TPH2: variants seen among roughly 807,000 people sequenced by gnomAD.
TPH2 encodes tryptophan 5-hydroxylase 2.
A neutral mutation model predicts 59.1 loss-of-function variants in TPH2; 27 were observed. The ratio of observed to expected loss-of-function variants is 0.46; its 90% CI spans 0.34 to 0.63. The LOEUF is 0.63. TPH2 is among the 30% of genes least tolerant of loss of function. The pLI is 0.01. For missense variants in TPH2, 523 were observed against 588.3 expected (o/e 0.89, Z 1.15); for synonymous variants, 220 against 210.5 (o/e 1.05, Z -0.39).
chr12:72,017,269 G>A (rs1030233724), intron 8 of TPH2, among the ~76,000 whole-genome samples: 23 of 152,100 alleles, frequency 1.5e-4, no homozygotes, highest in African/African-American at 5.6e-4. Context: ...GCAGCATTGG[G>A]CGACCTATCT....
chr12:72,031,377 C>T lies in TPH2; in HGVS notation c.1284C>T (p.Ala428=). The T allele has an allele frequency of 1.2e-6, 2 of 1,613,618 alleles. No homozygotes were observed. The highest frequency in any genetic ancestry group is 1.1e-5 in the South Asian group (1 of 91,056). ...AYFVSESFEE[A]KEKMRDFAKS... ...TTGTTTCAGAAAGTTTTGAAGAAGC[C>T]AAAGAAAAGATGAGGTAAACTTTTT... Residue 428 remains alanine (A), a synonymous_variant, in exon 10 of 11, where the codon GCC becomes GCT. Transcript: ENST00000333850.
intron 9 of TPH2, among the ~76,000 whole-genome samples, chr12:72,030,764 G>C (rs1182631235): frequency 2.0e-5 from 3 of 152,030 alleles, no homozygotes; most frequent in African/African-American, 4.8e-5. Flanking sequence ...CACAGTACCT[G>C]GCCTCAAAAT....
chr12:71,983,850 C>T (rs1872357646), intron 7 of TPH2, among the ~76,000 whole-genome samples: 1 of 151,202 alleles, frequency 6.6e-6, no homozygotes, highest in South Asian at 2.1e-4. Context: ...TGTGTGGGCC[C>T]CTTAAGGTTC....
chr12:72,000,641 T>C (rs939435354), intron 8 of TPH2, among the ~76,000 whole-genome samples: 1 of 152,220 alleles, frequency 6.6e-6, no homozygotes, highest in Non-Finnish European at 1.5e-5. Context: ...TAGTAATCTT[T>C]CATCCTTATT....
chr12:72,007,383 G>A (rs1055401209), intron 8 of TPH2, among the ~76,000 whole-genome samples: 2 of 152,158 alleles, frequency 1.3e-5, no homozygotes, highest in African/African-American at 4.8e-5. Flanking sequence ...TAGGAGTGAT[G>A]CTGTTCATAA....
intron 7 of TPH2, among the ~76,000 whole-genome samples, chr12:71,980,502 AT>A (rs879655631): frequency 7.0e-4 from 103 of 147,118 alleles, no homozygotes; most frequent in East Asian, 1.8e-3. Context: ...AGGTCACTAC[AT>A]TTTTTTTTTT....
At chr12:71,990,697 A>C (rs1485036824) in intron 7 of TPH2, among the ~76,000 whole-genome samples, 1 of 152,198 alleles carries the variant, frequency 6.6e-6, no homozygotes, top group East Asian at 1.9e-4. Context: ...AAAGACATAA[A>C]ATATAATAAC....
chr12:71,995,704 A>G (rs917401598), intron 8 of TPH2, among the ~76,000 whole-genome samples: 1 of 152,206 alleles, frequency 6.6e-6, no homozygotes, highest in Non-Finnish European at 1.5e-5. Context: ...TGTCTCTTGT[A>G]TAGCAGGTTC....
At chr12:72,023,508 G>C (rs891636439) in intron 9 of TPH2, among the ~76,000 whole-genome samples, 7 of 152,016 alleles carry the variant, frequency 4.6e-5, no homozygotes, top group African/African-American at 1.7e-4. Flanking sequence ...AGTCACTGGG[G>C]ATAAAAAGAC....
chr12:71,992,012 C>T (rs1872587425), intron 7 of TPH2, among the ~76,000 whole-genome samples: 1 of 152,080 alleles, frequency 6.6e-6, no homozygotes. Context: ...CCTCAGGGAG[C>T]CTGATTGAAT....
chr12:71,961,557 C>A, intron 5 of TPH2: 4 of 1,352,004 alleles, frequency 3.0e-6, no homozygotes, highest in Non-Finnish European at 3.9e-6. Flanking sequence ...TTCTAGTGGC[C>A]CAAGACTGTT....
At position 71,944,672 on chromosome 12, in the gene TPH2, G is replaced by C; in HGVS notation, c.526G>C (p.Asp176His). 1 of 1,613,868 alleles carries C rather than the reference G, an allele frequency of 6.2e-7. No individual in the cohort carries two copies. Reference protein sequence around the residue: ...HRVLMYGSELDADHPGFKDNV... With the variant: ...HRVLMYGSELHADHPGFKDNV... ...AGTTCTCATGTATGGTTCTGAGCTT[G>C]ATGCTGACCACCCAGTAAGTGTCCA... The change falls in exon 4 of 11, where the codon GAT (aspartate) becomes CAT (histidine). Residue 176 changes from aspartate to histidine, a missense_variant. Transcript: ENST00000333850.
At chr12:72,018,883 C>T (rs1416232052) in intron 8 of TPH2, among the ~76,000 whole-genome samples, 1 of 152,130 alleles carries the variant, frequency 6.6e-6, no homozygotes, top group Non-Finnish European at 1.5e-5. Flanking sequence ...ATGTCAAGCT[C>T]CTTAAAATCC....
chr12:71,943,323 A>G (rs1467830153), intron 2 of TPH2, among the ~76,000 whole-genome samples: 1 of 152,190 alleles, frequency 6.6e-6, no homozygotes, highest in Admixed American at 6.5e-5. Flanking sequence ...CTAGGATTGC[A>G]TCAGGAATTG....
intron 5 of TPH2, among the ~76,000 whole-genome samples, chr12:71,961,254 G>A (rs536772407): frequency 6.6e-6 from 1 of 152,302 alleles, no homozygotes; most frequent in Admixed American, 6.5e-5. Context: ...TTCTTCAACA[G>A]TTAAGTGAGG....
intron 4 of TPH2, among the ~76,000 whole-genome samples, chr12:71,946,074 C>A (rs1237474785): frequency 6.6e-6 from 1 of 152,104 alleles, no homozygotes; most frequent in East Asian, 1.9e-4. Context: ...GCACAGACAC[C>A]AGCTGTTAAC....
chr12:71,995,781 T>G (rs1260328951), intron 8 of TPH2, among the ~76,000 whole-genome samples: 1 of 152,094 alleles, frequency 6.6e-6, no homozygotes, highest in East Asian at 1.9e-4. Flanking sequence ...TCTCCTAAAT[T>G]TTTTAGAGAG....
chr12:71,958,297 G>A (rs1871570109), intron 5 of TPH2, among the ~76,000 whole-genome samples: 2 of 152,204 alleles, frequency 1.3e-5, no homozygotes, highest in Admixed American at 6.5e-5. Flanking sequence ...GCCTCTGGTA[G>A]AATCTAAATG....
chr12:72,005,136 C>A (rs1872919478), intron 8 of TPH2, among the ~76,000 whole-genome samples: 1 of 152,072 alleles, frequency 6.6e-6, no homozygotes, highest in Non-Finnish European at 1.5e-5. Flanking sequence ...GAAATGCTGT[C>A]ATTTGAGGGC....
Sources: gnomAD v4.1 joint callset for allele counts (sites outside exome capture counted in the v4.1 genomes callset) on GRCh38, gnomAD v4.1.1 for gene constraint, MANE v1.5 for transcripts, NCBI Gene and HGNC (gene_info 2026-07-23, HGNC 2026-07-21) for gene names.